GTF2IRD1: variants seen among roughly 807,000 people sequenced by gnomAD.
The protein encoded by GTF2IRD1 is GTF2I repeat domain containing 1.
A neutral mutation model predicts 113.2 loss-of-function variants in GTF2IRD1; 26 were observed. That is an observed-to-expected ratio of 0.23 (90% confidence interval 0.17 to 0.32). The LOEUF (loss-of-function observed/expected upper bound fraction) is 0.32. GTF2IRD1 is among the 10% of genes least tolerant of loss of function. GTF2IRD1 has a pLI of 1.00. For synonymous variants in GTF2IRD1, 484 were observed against 529.1 expected, an observed-to-expected ratio of 0.91 and a Z score of 1.17; for missense variants, 864 against 1,280.8, an observed-to-expected ratio of 0.67 and a Z score of 4.97.
chr7:74,523,183 C>T (rs1427956377), intron 7 of GTF2IRD1, among the ~76,000 whole-genome samples: 1 of 152,084 alleles, frequency 6.6e-6, no homozygotes, highest in Non-Finnish European at 1.5e-5. Flanking sequence ...CACACCACAG[C>T]ACTCCAGCCT....
intron 17 of GTF2IRD1, among the ~76,000 whole-genome samples, chr7:74,553,049 G>T (rs1176961685): frequency 6.6e-6 from 1 of 152,072 alleles, no homozygotes; most frequent in Non-Finnish European, 1.5e-5. Context: ...TGTTGGTCAG[G>T]CTGGTCTCGA....
At chr7:74,562,549 T>G (rs587712014) in intron 22 of GTF2IRD1, among the ~76,000 whole-genome samples, 1 of 140,188 alleles carries the variant, frequency 7.1e-6, no homozygotes, top group African/African-American at 2.7e-5. Context: ...TTCCGCCAAT[T>G]GCCCTCTTTT....
chr7:74,545,922 TG>T (rs1798900490), intron 16 of GTF2IRD1, 113 bp downstream of exon 16: 2 of 790,630 alleles, frequency 2.5e-6, no homozygotes, highest in Non-Finnish European at 2.2e-6. Flanking sequence ...AGCTGTTCTC[TG>T]GGCAGGGACA....
chr7:74,505,980 A>G (rs1796277815), intron 1 of GTF2IRD1: 1 of 152,248 alleles, frequency 6.6e-6, no homozygotes, highest in South Asian at 2.1e-4. Context: ...AGAAGAAGAA[A>G]TGTCTTTTAT....
intron 17 of GTF2IRD1, among the ~76,000 whole-genome samples, chr7:74,551,733 C>T (rs1161842915): frequency 2.6e-5 from 4 of 151,748 alleles, no homozygotes; most frequent in African/African-American, 9.7e-5. Flanking sequence ...GTCAAGAGTT[C>T]GAGACCAGCC....
At chr7:74,556,766 G>C (rs1164778449) in intron 19 of GTF2IRD1, among the ~76,000 whole-genome samples, 1 of 150,758 alleles carries the variant, frequency 6.6e-6, no homozygotes, top group African/African-American at 2.4e-5. Flanking sequence ...TGGGATTACA[G>C]GTACGCACCA....
chr7:74,507,754 G>A, intron 1 of GTF2IRD1: 1 of 271,522 alleles, frequency 3.7e-6, no homozygotes, highest in Non-Finnish European at 7.1e-6. Flanking sequence ...GAGCGAGGGA[G>A]GGCTGTGGCC....
intron 24 of GTF2IRD1, among the ~76,000 whole-genome samples, chr7:74,593,599 G>A (rs1421674892): frequency 4.0e-5 from 6 of 151,592 alleles, no homozygotes; most frequent in African/African-American, 7.3e-5. Context: ...CGGGCGTGGC[G>A]CAGGGCACCT....
rs782259967 is a variant in GTF2IRD1, at chr7:74,531,723, GA to G, written c.1274+1817del. ...CGTAGCAAGACCCCATCTCCAAAAA[GA>G]AAAAAAAAAAGTGGGGGGAGCCAGG... On this transcript the variant is annotated intron_variant, in intron 9 of 26. Transcript: ENST00000424337. 8.3e-3 allele frequency among the ~76,000 whole-genome samples: 1,204 copies of G among 145,010 alleles called. 19 individuals are homozygous for G. The highest frequency in any genetic ancestry group is 0.028 in the African/African-American group (1,099 of 39,788).
At chr7:74,461,639 C>T (rs972089207) in intron 1 of GTF2IRD1, among the ~76,000 whole-genome samples, 2 of 152,064 alleles carry the variant, frequency 1.3e-5, no homozygotes, top group Non-Finnish European at 2.9e-5. Context: ...AGTGCAGTGG[C>T]GCGATCTCGG....
chr7:74,516,597 G>A (rs1554344648), intron 4 of GTF2IRD1, among the ~76,000 whole-genome samples: 1 of 149,118 alleles, frequency 6.7e-6, no homozygotes, highest in Non-Finnish European at 1.5e-5. Flanking sequence ...TCCTACTGTA[G>A]CCTTTGGTTT....
chr7:74,520,017 G>A (rs1214676376), intron 6 of GTF2IRD1, among the ~76,000 whole-genome samples: 1 of 143,648 alleles, frequency 7.0e-6, no homozygotes, highest in Non-Finnish European at 1.5e-5. Context: ...CTGAGCCCAG[G>A]AGTTTGAGGC....
intron 1 of GTF2IRD1, among the ~76,000 whole-genome samples, chr7:74,495,522 C>T (rs1181850975): frequency 1.3e-5 from 2 of 152,196 alleles, no homozygotes; most frequent in East Asian, 1.9e-4. Flanking sequence ...CCCCTCTCTT[C>T]GGAGGCCTTT....
At chr7:74,544,628 G>A in intron 14 of GTF2IRD1, 127 bp from the exon 15 acceptor site, 1 of 783,402 alleles carries the variant, frequency 1.3e-6, no homozygotes. Context: ...TCCCATTGGA[G>A]TGGGTGCCAT....
intron 4 of GTF2IRD1, among the ~76,000 whole-genome samples, chr7:74,516,730 G>C (rs116725336): frequency 0.021 from 3,148 of 152,296 alleles, 107 homozygotes; most frequent in African/African-American, 0.072. Context: ...ATGGTTGGCT[G>C]TGCCTCTGTC....
chr7:74,561,281 A>C (rs1799944773), intron 22 of GTF2IRD1, among the ~76,000 whole-genome samples: 1 of 150,014 alleles, frequency 6.7e-6, no homozygotes. Context: ...CCCGGGAGGC[A>C]GAGGTTGCAG....
chr7:74,561,023 T>C (rs1374135708), intron 22 of GTF2IRD1, among the ~76,000 whole-genome samples: 2 of 152,072 alleles, frequency 1.3e-5, no homozygotes, highest in African/African-American at 2.4e-5. Flanking sequence ...CGGGGCGACA[T>C]GCCACTTGGC....
intron 22 of GTF2IRD1, among the ~76,000 whole-genome samples, chr7:74,567,757 G>C (rs1800411162): frequency 6.6e-6 from 1 of 152,006 alleles, no homozygotes; most frequent in Non-Finnish European, 1.5e-5. Context: ...CAAGAGTTGA[G>C]AGTGGAATGG....
At position 74,519,661 on chromosome 7, in the gene GTF2IRD1, G is replaced by T; in HGVS notation, c.858G>T (p.Leu286=). 1 of 1,607,722 alleles carries T rather than the reference G, an allele frequency of 6.2e-7. No homozygotes were observed. The highest frequency in any genetic ancestry group is 8.5e-7 in the Non-Finnish European group (1 of 1,177,332). The change falls in exon 6 of 27, where the codon CTG becomes CTT. Residue 286 remains leucine (L), a synonymous_variant. Coordinates refer to ENST00000424337, the MANE Select transcript of GTF2IRD1 (RefSeq NM_005685.4). The part of the protein sequence containing the change: ...SCPLAPSDLG[L]SRPMPEPKAT... ...CCCTTGCCCCCAGCGACCTGGGCCT[G>T]AGTCGGCCCATGCCAGAGCCCAAGG...
Sources: gnomAD v4.1 joint callset for allele counts (sites outside exome capture counted in the v4.1 genomes callset) on GRCh38, gnomAD v4.1.1 for gene constraint, MANE v1.5 for transcripts, NCBI Gene and HGNC (gene_info 2026-07-23, HGNC 2026-07-21) for gene names.